ANKRD44: variants seen among roughly 807,000 people sequenced by gnomAD.
The protein encoded by ANKRD44 is serine/threonine-protein phosphatase 6 regulatory ankyrin repeat subunit B.
Under a neutral mutation model 116.0 loss-of-function variants are expected in ANKRD44, and 35 were observed. The observed-to-expected ratio is 0.30, with a 90% CI of 0.23 to 0.40. The LOEUF is 0.40. Ranked by LOEUF, ANKRD44 falls within the 10% of genes least tolerant of loss-of-function variation. The probability of loss-of-function intolerance (pLI) is 1.00; values close to 1 mark genes in which losing one functional copy is unlikely to be tolerated. For missense variants in ANKRD44, 1,014 were observed against 1,242.6 expected, an observed-to-expected ratio of 0.82 and a Z score of 2.77; for synonymous variants, 435 against 461.8, an observed-to-expected ratio of 0.94 and a Z score of 0.74.
rs1449640670 is a variant in ANKRD44 at position 197,252,321 on chromosome 2, C to A, written c.27+58257G>T. ...GAAACTTAAAATACAGATTCCTGCT[C>A]CCCGCTACCCGCCCCGCCCCGCCCC... is the stretch of plus-strand genomic sequence containing the variant. On this transcript the variant is annotated intron_variant, in intron 1 of 27. Coordinates refer to ENST00000282272, the MANE Select transcript of ANKRD44 (RefSeq NM_001195144.2). Among the ~76,000 whole-genome samples, 9 of 150,110 alleles carry A rather than the reference C, an allele frequency of 6.0e-5. No individual in the cohort carries two copies. In the East Asian group the frequency reaches 1.7e-3, roughly 29 times the overall value.
chr2:197,253,192 C>T (rs1296229688), intron 1 of ANKRD44, among the ~76,000 whole-genome samples: 1 of 151,952 alleles, frequency 6.6e-6, no homozygotes. Context: ...TTTTCTTTAA[C>T]GTCTTGAGGA....
intron 1 of ANKRD44, among the ~76,000 whole-genome samples, chr2:197,252,051 C>G (rs1368181202): frequency 6.6e-6 from 1 of 152,118 alleles, no homozygotes; most frequent in Non-Finnish European, 1.5e-5. Context: ...GATAAAATAT[C>G]TTTTGTGTCT....
At chr2:197,290,262 A>G (rs1403836161) in intron 1 of ANKRD44, among the ~76,000 whole-genome samples, 1 of 152,136 alleles carries the variant, frequency 6.6e-6, no homozygotes, top group Admixed American at 6.5e-5. Context: ...ACCAACATCT[A>G]TTGTGTTGCA....
At chr2:197,030,545 C>T (rs545935389) in intron 16 of ANKRD44, among the ~76,000 whole-genome samples, 23 of 152,162 alleles carry the variant, frequency 1.5e-4, no homozygotes, top group African/African-American at 5.5e-4. Flanking sequence ...TAGGGTGATG[C>T]GTCTATGGAA....
intron 16 of ANKRD44, among the ~76,000 whole-genome samples, chr2:197,055,649 T>C (rs2077189600): frequency 6.6e-6 from 1 of 152,220 alleles, no homozygotes; most frequent in South Asian, 2.1e-4. Context: ...TTCCTCCATA[T>C]ACATATTTAT....
chr2:197,287,947 G>A (rs998848279), intron 1 of ANKRD44, among the ~76,000 whole-genome samples: 1 of 150,128 alleles, frequency 6.7e-6, no homozygotes. Flanking sequence ...TTGAACCCGG[G>A]AGGCAGAGGT....
chr2:197,068,398 T>TAAAAA (rs1447836305), intron 16 of ANKRD44, among the ~76,000 whole-genome samples: 1 of 61,410 alleles, frequency 1.6e-5, no homozygotes, highest in Non-Finnish European at 4.1e-5. Flanking sequence ...AAAAAAAAAA[T>TAAAAA]AAAAATAAAA....
At chr2:197,195,078 C>T (rs749151921) in intron 1 of ANKRD44, among the ~76,000 whole-genome samples, 1 of 152,166 alleles carries the variant, frequency 6.6e-6, no homozygotes, top group Non-Finnish European at 1.5e-5. Flanking sequence ...TGGGCTCAAG[C>T]GATGCTCCCA....
intron 8 of ANKRD44, among the ~76,000 whole-genome samples, chr2:197,116,147 T>C (rs2078701783): frequency 6.6e-6 from 1 of 152,200 alleles, no homozygotes; most frequent in Non-Finnish European, 1.5e-5. Context: ...TTATCCAATC[T>C]GAACTGACCA....
intron 2 of ANKRD44, among the ~76,000 whole-genome samples, chr2:197,179,535 T>C (rs1164032176): frequency 3.9e-5 from 6 of 152,238 alleles, no homozygotes; most frequent in South Asian, 4.1e-4. Context: ...CATTTTTAAT[T>C]CTTATATTTT....
intron 10 of ANKRD44, among the ~76,000 whole-genome samples, chr2:197,098,146 C>T (rs1264001233): frequency 6.6e-6 from 1 of 152,162 alleles, no homozygotes; most frequent in South Asian, 2.1e-4. Context: ...ATCTCTCTCA[C>T]TCTGTTCCCA....
intron 1 of ANKRD44, among the ~76,000 whole-genome samples, chr2:197,202,047 AC>A (rs1397609928): frequency 6.6e-6 from 1 of 152,160 alleles, no homozygotes; most frequent in Non-Finnish European, 1.5e-5. Flanking sequence ...CCCCTCCTCC[AC>A]CCAGGGATAG....
chr2:197,148,789 A>G (rs2079569016), intron 2 of ANKRD44, among the ~76,000 whole-genome samples: 1 of 152,252 alleles, frequency 6.6e-6, no homozygotes, highest in Admixed American at 6.5e-5. Context: ...CATGTTGTCT[A>G]TGTATGGCTG....
chr2:196,975,457 G>A (rs2075749462), intron 21 of ANKRD44, among the ~76,000 whole-genome samples: 1 of 152,066 alleles, frequency 6.6e-6, no homozygotes, highest in Non-Finnish European at 1.5e-5. Context: ...ATTCTTTGAG[G>A]CCAGCGTTAC....
chr2:197,285,267 T>C (rs2105848372), intron 1 of ANKRD44, among the ~76,000 whole-genome samples: 1 of 152,078 alleles, frequency 6.6e-6, no homozygotes, highest in East Asian at 1.9e-4. Context: ...TGCAGGAAAG[T>C]GTCTGGGGAT....
intron 9 of ANKRD44, among the ~76,000 whole-genome samples, chr2:197,108,865 C>CAA (rs1374709755): frequency 3.6e-5 from 5 of 140,724 alleles, no homozygotes; most frequent in African/African-American, 1.6e-4. Flanking sequence ...ACAACAACAA[C>CAA]AACAACAAAA....
chr2:196,996,694 G>A (rs796937004), intron 25 of ANKRD44, among the ~76,000 whole-genome samples: 58 of 152,138 alleles, frequency 3.8e-4, no homozygotes, highest in African/African-American at 1.2e-3. Flanking sequence ...CACGAGGTCA[G>A]GAGTTCGAGA....
intron 10 of ANKRD44, among the ~76,000 whole-genome samples, chr2:197,090,551 G>A (rs1380035098): frequency 6.7e-6 from 1 of 150,322 alleles, no homozygotes; most frequent in Admixed American, 6.6e-5. Context: ...GAGTGCAGTG[G>A]TGCTGATACA....
rs978878608 is a variant in ANKRD44, at chr2:197,000,632, GTA to G, written c.2436-132_2436-131del. 6.9e-6 allele frequency: 5 copies of G among 728,176 alleles called. No homozygotes were observed. The East Asian group carries it at 8.1e-5, about 12-fold the overall frequency. The allele number at this position is 728,176 out of a possible 1,614,324, so 45.1% of individuals were successfully genotyped here. On this transcript the variant is annotated intron_variant, in intron 22 of 27. Coordinates refer to ENST00000282272, the MANE Select transcript of ANKRD44 (RefSeq NM_001195144.2). The stretch of plus-strand genomic sequence containing the variant: ...AAAAAATCGAACGTAAATATTTGTG[GTA>G]TATGTTTCAATGGCATACATTTTGT...
Sources: gnomAD v4.1 joint callset for allele counts (sites outside exome capture counted in the v4.1 genomes callset) on GRCh38, gnomAD v4.1.1 for gene constraint, MANE v1.5 for transcripts, NCBI Gene and HGNC (gene_info 2026-07-23, HGNC 2026-07-21) for gene names.